Variants in LARGE1 observed in about 807,000 individuals in gnomAD.
LARGE1 encodes LARGE xylosyl- and glucuronyltransferase 1.
Under a neutral mutation model 87.6 loss-of-function variants are expected in LARGE1, and 43 were observed. The observed-to-expected ratio is 0.49, with a 90% CI of 0.38 to 0.63. The LOEUF is 0.63. Among genes scored for constraint, LARGE1 ranks in the 30% least tolerant of loss-of-function variants. The pLI is 0.00. For missense variants in LARGE1, 802 were observed against 1,000.2 expected (o/e 0.80, Z 2.67); for synonymous variants, 434 against 394.6 (o/e 1.10, Z -1.18).
chr22:33,352,922 T>C (rs910421466), intron 9 of LARGE1, among the ~76,000 whole-genome samples: 3 of 152,126 alleles, frequency 2.0e-5, no homozygotes, highest in Non-Finnish European at 2.9e-5. Flanking sequence ...GAGCTACAGA[T>C]TGAGAATACC....
At chr22:33,618,879 C>T (rs1321843594) in intron 4 of LARGE1, among the ~76,000 whole-genome samples, 2 of 152,222 alleles carry the variant, frequency 1.3e-5, no homozygotes, top group African/African-American at 2.4e-5. Context: ...CATAACTACC[C>T]TTTCCTAATC....
intron 10 of LARGE1, among the ~76,000 whole-genome samples, chr22:33,333,156 A>G (rs1937960782): frequency 6.6e-6 from 1 of 151,848 alleles, no homozygotes; most frequent in Non-Finnish European, 1.5e-5. Flanking sequence ...ACAGGCGCCC[A>G]CTACAGGCGC....
chr22:33,577,561 C>G (rs745312432), intron 5 of LARGE1, among the ~76,000 whole-genome samples: 1 of 152,220 alleles, frequency 6.6e-6, no homozygotes, highest in Non-Finnish European at 1.5e-5. Context: ...ACTCTTACCT[C>G]CGCCTTCCCA....
chr22:33,377,652 C>A (rs540757053), intron 9 of LARGE1, among the ~76,000 whole-genome samples: 1 of 152,298 alleles, frequency 6.6e-6, no homozygotes, highest in South Asian at 2.1e-4. Context: ...TGTTTCTTGG[C>A]ATACTTAAGA....
intron 1 of LARGE1, among the ~76,000 whole-genome samples, chr22:33,876,181 T>C (rs2064459677): frequency 6.6e-6 from 1 of 152,108 alleles, no homozygotes; most frequent in East Asian, 1.9e-4. Context: ...ATCTGTACCA[T>C]GAACACGGGA....
At chr22:33,748,371 G>A (rs1468977323) in intron 2 of LARGE1, among the ~76,000 whole-genome samples, 1 of 151,954 alleles carries the variant, frequency 6.6e-6, no homozygotes, top group Non-Finnish European at 1.5e-5. Context: ...ACCTCGTGAT[G>A]CACCCATCTC....
At chr22:33,770,378 T>C (rs1328474482) in intron 1 of LARGE1, among the ~76,000 whole-genome samples, 2 of 152,212 alleles carry the variant, frequency 1.3e-5, no homozygotes, top group African/African-American at 2.4e-5. Flanking sequence ...AACTGTTCCC[T>C]GAACTTAAAA....
intron 7 of LARGE1, among the ~76,000 whole-genome samples, chr22:33,402,322 C>G (rs1288542835): frequency 2.0e-5 from 3 of 152,142 alleles, no homozygotes; most frequent in Non-Finnish European, 4.4e-5. Context: ...ACCAAGACTT[C>G]GGAGTGAGGT....
chr22:33,285,161 T>C (rs1013585603), intron 12 of LARGE1, among the ~76,000 whole-genome samples: 1 of 152,192 alleles, frequency 6.6e-6, no homozygotes, highest in African/African-American at 2.4e-5. Context: ...GGCCAGGACC[T>C]AGGAATTCAT....
chr22:33,833,283 A>G (rs2063024595), intron 1 of LARGE1, among the ~76,000 whole-genome samples: 1 of 152,188 alleles, frequency 6.6e-6, no homozygotes, highest in Non-Finnish European at 1.5e-5. Flanking sequence ...CCTCCCCTAA[A>G]ATGCATATGT....
intron 7 of LARGE1, among the ~76,000 whole-genome samples, chr22:33,410,135 T>G (rs1815345976): frequency 6.6e-6 from 1 of 152,218 alleles, no homozygotes; most frequent in African/African-American, 2.4e-5. Context: ...ATTTAAGTGG[T>G]CTGAGATAAG....
intron 6 of LARGE1, among the ~76,000 whole-genome samples, chr22:33,561,754 G>T (rs2077869594): frequency 6.6e-6 from 1 of 152,188 alleles, no homozygotes. Flanking sequence ...GCTGGGTAAA[G>T]GTGCAAACCG....
chr22:33,822,322 C>G (rs577246521), intron 1 of LARGE1, among the ~76,000 whole-genome samples: 1 of 152,242 alleles, frequency 6.6e-6, no homozygotes, highest in Non-Finnish European at 1.5e-5. Context: ...GGTTTCTGGC[C>G]GGCATCTGAA....
At chr22:33,486,858 C>T (rs2069604660) in intron 6 of LARGE1, among the ~76,000 whole-genome samples, 2 of 152,094 alleles carry the variant, frequency 1.3e-5, no homozygotes, top group South Asian at 2.1e-4. Flanking sequence ...ATTGCAGAAT[C>T]CTCAGAAATC....
intron 1 of LARGE1, among the ~76,000 whole-genome samples, chr22:33,847,525 C>T (rs2063469780): frequency 6.6e-6 from 1 of 152,134 alleles, no homozygotes; most frequent in Non-Finnish European, 1.5e-5. Context: ...AGTTTAGATT[C>T]TAACAATTTA....
intron 9 of LARGE1, among the ~76,000 whole-genome samples, chr22:33,343,936 A>T (rs1390688461): frequency 6.6e-6 from 1 of 152,192 alleles, no homozygotes; most frequent in Non-Finnish European, 1.5e-5. Flanking sequence ...GAGCAAAGAG[A>T]GCCAGTCCAA....
At chr22:33,289,579 G>C (rs1406638068) in intron 12 of LARGE1, among the ~76,000 whole-genome samples, 1 of 152,180 alleles carries the variant, frequency 6.6e-6, no homozygotes, top group Non-Finnish European at 1.5e-5. Flanking sequence ...GCAAGAGAAT[G>C]GGCGAGAGTG....
intron 4 of LARGE1, among the ~76,000 whole-genome samples, chr22:33,621,326 T>C (rs1272065517): frequency 6.6e-6 from 1 of 152,226 alleles, no homozygotes. Flanking sequence ...TCCCACATTG[T>C]ATTAATTTCT....
downstream of LARGE1, among the ~76,000 whole-genome samples, chr22:33,159,948 A>AT (rs1556306692): frequency 6.6e-6 from 1 of 151,122 alleles, no homozygotes; most frequent in African/African-American, 2.4e-5. Context: ...AAAAAAAAAA[A>AT]CACTCAAATC....
Sources: allele counts gnomAD v4.1 joint callset (sites outside exome capture counted in the v4.1 genomes callset), GRCh38; gene constraint gnomAD v4.1.1; transcripts MANE v1.5; gene names NCBI Gene and HGNC (gene_info 2026-07-23, HGNC 2026-07-21).